Variants in SUPT3H observed in about 807,000 individuals in gnomAD.
SUPT3H encodes the protein SPT3 homolog, SAGA and STAGA complex component, also known as transcription initiation protein SPT3 homolog.
In SUPT3H, 44 loss-of-function variants were observed where a neutral mutation model predicts 44.3. That is an observed-to-expected ratio of 0.99 (90% CI 0.78 to 1.28). The LOEUF is 1.28. Among genes scored for constraint, SUPT3H ranks in the 50% most tolerant of loss-of-function variants. The pLI is 0.00. For missense variants in SUPT3H, 380 were observed against 387.1 expected (o/e 0.98, Z 0.15); for synonymous variants, 124 against 125.6 (o/e 0.99, Z 0.09).
At chr6:45,114,025 T>C (rs1333323532) in intron 2 of SUPT3H, among the ~76,000 whole-genome samples, 1 of 151,662 alleles carries the variant, frequency 6.6e-6, no homozygotes, top group African/African-American at 2.4e-5. Flanking sequence ...AATATAAATA[T>C]GTGAAGATAT....
chr6:44,890,321 GC>G (rs1202763595), intron 10 of SUPT3H, among the ~76,000 whole-genome samples: 1 of 151,092 alleles, frequency 6.6e-6, no homozygotes, highest in Admixed American at 6.6e-5. Flanking sequence ...TATGTTTATT[GC>G]GGCATTATTC....
chr6:45,236,183 A>G (rs1769084825), intron 2 of SUPT3H, among the ~76,000 whole-genome samples: 1 of 152,028 alleles, frequency 6.6e-6, no homozygotes, highest in East Asian at 1.9e-4. Context: ...TATGTCTTTA[A>G]TTCCTCTAGC....
At chr6:44,921,666 C>T (rs1768744756) in intron 10 of SUPT3H, among the ~76,000 whole-genome samples, 1 of 152,074 alleles carries the variant, frequency 6.6e-6, no homozygotes. Context: ...AGGATCTTAC[C>T]TAATTAGTCT....
At chr6:45,068,991 TA>T (rs937282931) in intron 3 of SUPT3H, among the ~76,000 whole-genome samples, 386 of 144,524 alleles carry the variant, frequency 2.7e-3, no homozygotes, top group African/African-American at 8.5e-3. Context: ...AAAAAAAAAA[TA>T]AAAAAAATAA....
chr6:45,165,195 C>T (rs1205968212), intron 2 of SUPT3H, among the ~76,000 whole-genome samples: 2 of 152,136 alleles, frequency 1.3e-5, no homozygotes, highest in Non-Finnish European at 2.9e-5. Flanking sequence ...CTGATGAAAG[C>T]TATCCTAAAA....
chr6:44,923,497 T>A (rs1582520971), intron 10 of SUPT3H, among the ~76,000 whole-genome samples: 1 of 152,292 alleles, frequency 6.6e-6, no homozygotes, highest in East Asian at 1.9e-4. Flanking sequence ...GGTTTTGTTT[T>A]TGATATTTAA....
At chr6:45,135,996 C>T (rs1804217064) in intron 2 of SUPT3H, among the ~76,000 whole-genome samples, 2 of 152,082 alleles carry the variant, frequency 1.3e-5, no homozygotes, top group Admixed American at 6.5e-5. Context: ...TATCAGCCAC[C>T]CATACTTCCT....
At chr6:45,227,521 AAACT>A (rs2153638303) in intron 2 of SUPT3H, among the ~76,000 whole-genome samples, 1 of 152,334 alleles carries the variant, frequency 6.6e-6, no homozygotes, top group East Asian at 1.9e-4. Flanking sequence ...CACTAGTTTT[AAACT>A]ATTTCCAGGC....
At chr6:44,892,460 C>G (rs2153442537) in intron 10 of SUPT3H, among the ~76,000 whole-genome samples, 1 of 152,206 alleles carries the variant, frequency 6.6e-6, no homozygotes. Flanking sequence ...GCCTCTAGAA[C>G]TGAGGGAAAA....
At chr6:45,155,087 G>T (rs1053453714) in intron 2 of SUPT3H, among the ~76,000 whole-genome samples, 1 of 152,054 alleles carries the variant, frequency 6.6e-6, no homozygotes, top group Admixed American at 6.6e-5. Flanking sequence ...GCATCTTACT[G>T]GGCTCATTAG....
intron 3 of SUPT3H, among the ~76,000 whole-genome samples, chr6:45,030,495 T>C (rs1786747275): frequency 6.6e-6 from 1 of 152,174 alleles, no homozygotes; most frequent in Non-Finnish European, 1.5e-5. Flanking sequence ...CTGAATTTCT[T>C]AGTTTTTTTC....
intron 6 of SUPT3H, among the ~76,000 whole-genome samples, chr6:44,981,771 G>A (rs1166584240): frequency 1.3e-5 from 2 of 150,970 alleles, no homozygotes; most frequent in Admixed American, 6.6e-5. Context: ...TTATCTCAGG[G>A]AACTCCTGAA....
intron 2 of SUPT3H, among the ~76,000 whole-genome samples, chr6:45,283,218 C>G (rs1029318980): frequency 4.6e-5 from 7 of 152,128 alleles, no homozygotes; most frequent in Admixed American, 6.5e-5. Flanking sequence ...ATGACAGGAT[C>G]AAATTCACAC....
At chr6:45,167,734 A>G (rs1810123381) in intron 2 of SUPT3H, among the ~76,000 whole-genome samples, 1 of 151,864 alleles carries the variant, frequency 6.6e-6, no homozygotes, top group Non-Finnish European at 1.5e-5. Context: ...ATATTTACTT[A>G]ACTTTGATGA....
chr6:44,899,588 G>A (rs942692232), intron 10 of SUPT3H, among the ~76,000 whole-genome samples: 4 of 152,184 alleles, frequency 2.6e-5, no homozygotes, highest in South Asian at 4.1e-4. Context: ...ATGGGAGGCT[G>A]AGGCAGGAGA....
chr6:45,006,169 G>C (rs925965059), intron 5 of SUPT3H, among the ~76,000 whole-genome samples: 2 of 151,816 alleles, frequency 1.3e-5, no homozygotes, highest in African/African-American at 2.4e-5. Flanking sequence ...ATTTGTGTAT[G>C]CATTTATTTA....
At chr6:44,847,200 T>C (rs1007115345) in intron 10 of SUPT3H, among the ~76,000 whole-genome samples, 2 of 152,218 alleles carry the variant, frequency 1.3e-5, no homozygotes, top group African/African-American at 2.4e-5. Context: ...CTAGCTACTA[T>C]ATACTTTTCC....
At chr6:45,289,648 T>C (rs1252888116) in intron 2 of SUPT3H, among the ~76,000 whole-genome samples, 1 of 152,120 alleles carries the variant, frequency 6.6e-6, no homozygotes, top group East Asian at 1.9e-4. Context: ...TTTTAGAAAA[T>C]ACTTATGCAT....
At chr6:45,071,236 A>G (rs1208701149) in intron 3 of SUPT3H, among the ~76,000 whole-genome samples, 1 of 151,362 alleles carries the variant, frequency 6.6e-6, no homozygotes, top group East Asian at 1.9e-4. Context: ...CTAAATTTTT[A>G]TTAATCCCAT....
Sources: gnomAD v4.1 joint callset for allele counts (sites outside exome capture counted in the v4.1 genomes callset) on GRCh38, gnomAD v4.1.1 for gene constraint, MANE v1.5 for transcripts, NCBI Gene and HGNC (gene_info 2026-07-23, HGNC 2026-07-21) for gene names.